NIPAL3: variants seen among roughly 807,000 people sequenced by gnomAD.
NIPAL3 encodes the protein NIPA-like protein 3.
NIPAL3 carries 41 observed loss-of-function variants against 47.2 expected under a neutral mutation model. That is an observed-to-expected ratio of 0.87 (90% CI 0.68 to 1.13). The LOEUF (loss-of-function observed/expected upper bound fraction) is 1.13. Ranked by LOEUF, NIPAL3 falls within the 50% of genes most tolerant of loss-of-function variation. The pLI is 0.00. For synonymous variants in NIPAL3, 194 were observed against 209.6 expected (o/e 0.93, Z 0.64); for missense variants, 449 against 530.1 (o/e 0.85, Z 1.50).
chr1:24,452,847 C>G (rs915210340), intron 6 of NIPAL3, among the ~76,000 whole-genome samples: 3 of 144,926 alleles, frequency 2.1e-5, no homozygotes, highest in Non-Finnish European at 4.5e-5. Context: ...CCACCACGCC[C>G]AGCTAATTTT....
intron 2 of NIPAL3, among the ~76,000 whole-genome samples, chr1:24,421,512 G>C (rs1219385546): frequency 6.6e-6 from 1 of 152,132 alleles, no homozygotes; most frequent in East Asian, 1.9e-4. Flanking sequence ...TTGAGAGGAA[G>C]AGCTAGAACT....
intron 2 of NIPAL3, among the ~76,000 whole-genome samples, chr1:24,429,520 G>A (rs1303837325): frequency 1.3e-5 from 2 of 152,104 alleles, no homozygotes; most frequent in African/African-American, 4.8e-5. Context: ...CCTTGAATTT[G>A]TATTTCCATT....
chr1:24,462,791 A>G (rs1212323737), intron 10 of NIPAL3, among the ~76,000 whole-genome samples: 1 of 151,198 alleles, frequency 6.6e-6, no homozygotes, highest in Non-Finnish European at 1.5e-5. Flanking sequence ...AACTACTAAT[A>G]CATACAATAA....
At chr1:24,464,298 C>T (rs769824596) in intron 11 of NIPAL3, 178 bp downstream of exon 11, 10 of 443,418 alleles carry the variant, frequency 2.3e-5, no homozygotes, top group Non-Finnish European at 3.9e-5. Context: ...TGAGGCACCT[C>T]GGTTGGTTTT....
intron 2 of NIPAL3, among the ~76,000 whole-genome samples, chr1:24,436,743 C>A (rs1645129072): frequency 6.6e-6 from 1 of 151,988 alleles, no homozygotes; most frequent in Non-Finnish European, 1.5e-5. Context: ...AGGTGATTCA[C>A]CCGCCTTGGC....
chr1:24,452,948 C>T (rs1432812836), intron 6 of NIPAL3, among the ~76,000 whole-genome samples: 9 of 151,536 alleles, frequency 5.9e-5, no homozygotes, highest in African/African-American at 1.9e-4. Context: ...GTGATCCACC[C>T]GCCTTGGCCT....
At position 24,469,374 on chromosome 1, in the gene NIPAL3, T is replaced by G. The variant is rs75181393; in HGVS notation, c.*189T>G. 6,103 of 577,400 alleles carry G rather than the reference T, an allele frequency of 0.011. 302 individuals carry two copies. The highest frequency in any genetic ancestry group is 0.1 in the African/African-American group (5,492 of 53,618). 35.8% of individuals were successfully genotyped at this position (577,400 alleles called of 1,614,324 possible). A position where few individuals can be genotyped will look rare whatever the true frequency, so the allele number is the denominator to read the frequency against. On this transcript the variant is annotated 3_prime_UTR_variant, in exon 12 of 12. Coordinates refer to ENST00000374399, the MANE Select transcript of NIPAL3 (RefSeq NM_020448.5). ...CTTGGAAATTTCAAATGATGAGGGTTGGGGGATGGAAGCATTATTCCAGGT... is the reference window on the plus strand; with the variant it reads ...CTTGGAAATTTCAAATGATGAGGGTGGGGGGATGGAAGCATTATTCCAGGT...
intron 10 of NIPAL3, among the ~76,000 whole-genome samples, chr1:24,463,408 A>T: frequency 6.6e-6 from 1 of 152,156 alleles, no homozygotes; most frequent in East Asian, 1.9e-4. Flanking sequence ...AGGGGGATGG[A>T]CGTATTTTCT....
At chr1:24,419,104 G>A (rs1310371199) in intron 1 of NIPAL3, among the ~76,000 whole-genome samples, 187 bp from the exon 2 acceptor site, 1 of 152,076 alleles carries the variant, frequency 6.6e-6, no homozygotes, top group Non-Finnish European at 1.5e-5. Context: ...TTGTATTAAG[G>A]GGAGGACAAA....
chr1:24,429,129 G>T (rs1644764674), intron 2 of NIPAL3, among the ~76,000 whole-genome samples: 1 of 152,154 alleles, frequency 6.6e-6, no homozygotes, highest in South Asian at 2.1e-4. Context: ...TTGAATATTG[G>T]CCGGGCATGG....
At chr1:24,463,102 C>T (rs771704711) in intron 10 of NIPAL3, among the ~76,000 whole-genome samples, 20 of 151,778 alleles carry the variant, frequency 1.3e-4, no homozygotes, top group Non-Finnish European at 2.1e-4. Flanking sequence ...GCAGGAGGAT[C>T]GCTTGAACCT....
chr1:24,448,237 G>A (rs1645765968), intron 5 of NIPAL3, among the ~76,000 whole-genome samples: 1 of 152,174 alleles, frequency 6.6e-6, no homozygotes, highest in South Asian at 2.1e-4. Flanking sequence ...GAGGCCTGTG[G>A]TCACCATAAG....
At chr1:24,453,544 A>G in intron 7 of NIPAL3, 40 bp downstream of exon 7, 1 of 1,484,614 alleles carries the variant, frequency 6.7e-7, no homozygotes, top group East Asian at 2.3e-5. Flanking sequence ...GCCACCACCA[A>G]GAAGCACCAA....
intron 2 of NIPAL3, among the ~76,000 whole-genome samples, chr1:24,436,789 G>A (rs950324778): frequency 4.6e-5 from 7 of 151,718 alleles, no homozygotes; most frequent in African/African-American, 1.5e-4. Context: ...GTGAGCCACC[G>A]CGCCCAGCCT....
chr1:24,449,071 G>A lies in NIPAL3; in HGVS notation c.395-410G>A, dbSNP rs1391186735. ...CACCGTATGGGTCCATTTGTATAAAGCACAAAGCTAGGCAAAGCCATCAGT... is the reference window on the plus strand; with the variant it reads ...CACCGTATGGGTCCATTTGTATAAAACACAAAGCTAGGCAAAGCCATCAGT... On this transcript the variant is annotated intron_variant, in intron 5 of 11. Transcript: ENST00000374399. This position sits in a 1 kb window ranked among gnomAD's most constrained non-coding sequence, Gnocchi z 4.5. Among the ~76,000 whole-genome samples the A allele has an allele frequency of 6.6e-6, 1 of 152,160 alleles. No homozygotes were observed. The highest frequency in any genetic ancestry group is 6.5e-5 in the Admixed American group (1 of 15,282).
intron 10 of NIPAL3, among the ~76,000 whole-genome samples, chr1:24,463,135 C>T (rs2148858889): frequency 6.6e-6 from 1 of 152,108 alleles, no homozygotes; most frequent in East Asian, 1.9e-4. Context: ...TTGCAGTGAG[C>T]CGAGATCCTG....
At chr1:24,447,423 A>G (rs893179451) in intron 5 of NIPAL3, among the ~76,000 whole-genome samples, 1 of 152,170 alleles carries the variant, frequency 6.6e-6, no homozygotes, top group African/African-American at 2.4e-5. Flanking sequence ...AAATTTTAAA[A>G]CAGAACTTCA....
chr1:24,418,554 C>T (rs1644166661), intron 1 of NIPAL3, among the ~76,000 whole-genome samples: 1 of 152,166 alleles, frequency 6.6e-6, no homozygotes, highest in African/African-American at 2.4e-5. Context: ...CAGCTTGAGG[C>T]CATGTTTGTG....
At position 24,469,132 on chromosome 1, in the gene NIPAL3, A is replaced by G; in HGVS notation, c.1168A>G (p.Arg390Gly). 1 of 1,614,188 alleles carries G rather than the reference A, an allele frequency of 6.2e-7. No individual in the cohort carries two copies. Among genetic ancestry groups the G allele is most frequent in the East Asian group, 2.2e-5 (1 of 44,878 alleles). ...AGTCATGCAAGAAGAGCACGGCTCC[A>G]GAAGTGCCTCTGGGGTCCCCTACCG... The part of the protein sequence containing the change: ...LPVMQEEHGS[R>G]SASGVPYRVL... The change falls in exon 12 of 12, where the codon AGA becomes GGA. Residue 390 changes from arginine (R) to glycine (G), a missense_variant. Physicochemically the swap from Arg to Gly is moderately radical, Grantham distance 125. Coordinates refer to ENST00000374399, the MANE Select transcript of NIPAL3 (RefSeq NM_020448.5).
Sources: allele counts gnomAD v4.1 joint callset (sites outside exome capture counted in the v4.1 genomes callset), GRCh38; gene constraint gnomAD v4.1.1; non-coding constraint Gnocchi (gnomAD v3.1); transcripts MANE v1.5; gene names NCBI Gene and HGNC (gene_info 2026-07-23, HGNC 2026-07-21).